XK: variants seen among roughly 807,000 people sequenced by gnomAD.
XK encodes the protein X-linked Kx blood group antigen, Kell and VPS13A binding protein.
A neutral mutation model predicts 14.0 loss-of-function variants in XK; 2 were observed. The observed-to-expected ratio is 0.14, with a 90% CI of 0.06 to 0.45. The LOEUF is 0.45. XK is among the 20% of genes least tolerant of loss of function. The pLI is 0.98. For synonymous variants in XK, 149 were observed against 147.5 expected (o/e 1.01, Z -0.08); for missense variants, 235 against 341.5 (o/e 0.69, Z 2.46).
intron 2 of XK, among the ~76,000 whole-genome samples, chrX:37,712,695 T>G (rs1556446971): frequency 1.8e-5 from 2 of 111,681 alleles, no homozygotes; most frequent in Non-Finnish European, 3.8e-5. Context: ...TGGCTGTGGG[T>G]CTTTGTTTTG....
intron 2 of XK, among the ~76,000 whole-genome samples, chrX:37,706,314 G>A (rs1489201745): frequency 9.0e-6 from 1 of 111,463 alleles, no homozygotes; most frequent in Non-Finnish European, 1.9e-5. Context: ...AAAAGACCTT[G>A]ACACATTCTT....
chrX:37,703,478 A>C (rs968640805), intron 2 of XK, among the ~76,000 whole-genome samples: 4 of 112,369 alleles, frequency 3.6e-5, no homozygotes, highest in African/African-American at 1.3e-4. Context: ...GGGACCCATC[A>C]GTTTCCAGTG....
chrX:37,728,100 T>C lies in XK; in HGVS notation c.973T>C (p.Phe325Leu). The C allele has an allele frequency of 2.5e-6, 3 of 1,211,494 alleles. No individual in the cohort carries two copies. Among genetic ancestry groups the C allele is most frequent in the Non-Finnish European group, 3.4e-6 (3 of 895,412 alleles). Residue 325 changes from phenylalanine to leucine, a missense_variant, in exon 3 of 3, where the codon TTC (phenylalanine) becomes CTC (leucine). Transcript: ENST00000378616. ...GCTACTGGTGTATTACATGATAAGA[T>C]TCATCGAGAATGCCATCCTCCTCCT... The part of the protein sequence containing the change: ...YQLLVYYMIR[F>L]IENAILLLLW...
chrX:37,723,716 T>C (rs1487559681), intron 2 of XK, among the ~76,000 whole-genome samples: 1 of 111,266 alleles, frequency 9.0e-6, no homozygotes, highest in Non-Finnish European at 1.9e-5. Context: ...ATATAAATAC[T>C]GTACATGTGT....
At chrX:37,697,560 C>T (rs1457707430) in intron 2 of XK, among the ~76,000 whole-genome samples, 4 of 112,278 alleles carry the variant, frequency 3.6e-5, no homozygotes, top group Non-Finnish European at 7.5e-5. Flanking sequence ...ATTCTGTGCT[C>T]ATTGAGCAAA....
In XK at chrX:37,728,271, T is replaced by C; in HGVS notation, c.1144T>C (p.Ser382Pro). ...FFHPCKKLFS[S>P]SVSEGFQRWL... ...CCACCCTTGCAAAAAGCTCTTTTCTTCCAGTGTTTCTGAAGGCTTTCAGAG... is the reference window on the plus strand; with the variant it reads ...CCACCCTTGCAAAAAGCTCTTTTCTCCCAGTGTTTCTGAAGGCTTTCAGAG... The change falls in exon 3 of 3, where the codon TCC becomes CCC. Residue 382 changes from serine (S) to proline (P), a missense_variant. Coordinates refer to ENST00000378616, the MANE Select transcript of XK (RefSeq NM_021083.4). 1.7e-6 allele frequency: 2 copies of C among 1,211,328 alleles called. No homozygotes were observed. The highest frequency in any genetic ancestry group is 2.2e-6 in the Non-Finnish European group (2 of 895,403).
At chrX:37,724,692 C>G (rs985725455) in intron 2 of XK, among the ~76,000 whole-genome samples, 1 of 111,003 alleles carries the variant, frequency 9.0e-6, no homozygotes, top group African/African-American at 3.3e-5. Flanking sequence ...AGAAGACGCT[C>G]TCAAGAGAAT....
intron 2 of XK, among the ~76,000 whole-genome samples, chrX:37,716,576 G>C (rs1927770368): frequency 9.0e-6 from 1 of 111,485 alleles, no homozygotes; most frequent in African/African-American, 3.3e-5. Flanking sequence ...TATTTACAAG[G>C]TTCACTGTAC....
intron 2 of XK, among the ~76,000 whole-genome samples, chrX:37,722,378 A>G (rs1265848769): frequency 1.8e-5 from 2 of 111,469 alleles, no homozygotes; most frequent in Non-Finnish European, 3.8e-5. Context: ...GAAAATTTAG[A>G]AGGGAAAGAT....
chrX:37,693,128 C>T (rs1446589889), intron 1 of XK, among the ~76,000 whole-genome samples: 1 of 112,002 alleles, frequency 8.9e-6, no homozygotes, highest in Non-Finnish European at 1.9e-5. Flanking sequence ...ATTATAAATA[C>T]ATTCCAGTTG....
intron 2 of XK, among the ~76,000 whole-genome samples, chrX:37,707,107 C>T (rs781942139): frequency 7.1e-5 from 8 of 112,833 alleles, no homozygotes; most frequent in Admixed American, 4.6e-4. Flanking sequence ...TCCACAAAAC[C>T]GCCATTGTCA....
At chrX:37,725,750 G>A (rs1226673093) in intron 2 of XK, among the ~76,000 whole-genome samples, 1 of 111,901 alleles carries the variant, frequency 8.9e-6, no homozygotes. Flanking sequence ...TCCAGATAAT[G>A]GACTATTATT....
At chrX:37,720,291 C>A (rs1417971144) in intron 2 of XK, among the ~76,000 whole-genome samples, 1 of 110,666 alleles carries the variant, frequency 9.0e-6, no homozygotes, top group Non-Finnish European at 1.9e-5. Context: ...GGAGTACTCA[C>A]TGCTTTGGAA....
At chrX:37,724,581 G>A (rs1338776820) in intron 2 of XK, among the ~76,000 whole-genome samples, 1 of 111,347 alleles carries the variant, frequency 9.0e-6, no homozygotes, top group Non-Finnish European at 1.9e-5. Context: ...AGGTGACTTT[G>A]GATTTGATGA....
At chrX:37,703,351 G>A (rs1476078556) in intron 2 of XK, among the ~76,000 whole-genome samples, 1 of 111,933 alleles carries the variant, frequency 8.9e-6, no homozygotes, top group East Asian at 2.8e-4. Context: ...GCAGATGTGA[G>A]ATTGTTGAGT....
intron 2 of XK, among the ~76,000 whole-genome samples, chrX:37,714,793 A>G (rs1556447444): frequency 9.0e-6 from 1 of 110,836 alleles, no homozygotes; most frequent in Non-Finnish European, 1.9e-5. Context: ...TCATTTGTAG[A>G]TTCCTGAAGG....
chrX:37,688,533 C>A (rs1927143012), intron 1 of XK, among the ~76,000 whole-genome samples: 1 of 111,847 alleles, frequency 8.9e-6, no homozygotes. Context: ...ACGTAATTGT[C>A]CCCATTTTGT....
chrX:37,688,318 G>A lies in XK; in HGVS notation c.245+2112G>A, dbSNP rs192372932. Among the ~76,000 whole-genome samples, 988 of 110,330 alleles carry A rather than the reference G, an allele frequency of 9.0e-3. 10 individuals carry two copies. The highest frequency in any genetic ancestry group is 0.03 in the African/African-American group (926 of 30,371). On this transcript the variant is annotated intron_variant, in intron 1 of 2. Transcript: ENST00000378616. ...CTTGACCTCGTGATCCGCCTGCCTC[G>A]GCCTCCCAAAGTGCTGGGACCACAA...
intron 2 of XK, among the ~76,000 whole-genome samples, chrX:37,716,275 A>G (rs1927764053): frequency 8.9e-6 from 1 of 112,327 alleles, no homozygotes; most frequent in Non-Finnish European, 1.9e-5. Flanking sequence ...TTTATTGTTT[A>G]TTCTTTATAT....
Sources: gnomAD v4.1 joint callset for allele counts (sites outside exome capture counted in the v4.1 genomes callset) on GRCh38, gnomAD v4.1.1 for gene constraint, MANE v1.5 for transcripts, NCBI Gene and HGNC (gene_info 2026-07-23, HGNC 2026-07-21) for gene names.